Variants in CDH4 observed in about 807,000 individuals in gnomAD.
The protein encoded by CDH4 is cadherin-4.
CDH4 carries 33 observed loss-of-function variants against 86.0 expected under a neutral mutation model. That is an observed-to-expected ratio of 0.38 (90% CI 0.29 to 0.51). CDH4 has a LOEUF of 0.51. Among genes scored for constraint, CDH4 ranks in the 20% least tolerant of loss-of-function variants. CDH4 has a pLI of 0.86. For missense variants in CDH4, 1,114 were observed against 1,307.4 expected, an observed-to-expected ratio of 0.85 and a Z score of 2.28; for synonymous variants, 555 against 549.4, an observed-to-expected ratio of 1.01 and a Z score of -0.14.
chr20:61,638,751 G>A (rs2086975153), intron 2 of CDH4, among the ~76,000 whole-genome samples: 1 of 152,208 alleles, frequency 6.6e-6, no homozygotes, highest in Non-Finnish European at 1.5e-5. Flanking sequence ...CTGGGTAGAT[G>A]CAATGCAAAA....
chr20:61,734,184 G>GTT (rs1169467441), intron 2 of CDH4, among the ~76,000 whole-genome samples: 1 of 152,246 alleles, frequency 6.6e-6, no homozygotes, highest in Non-Finnish European at 1.5e-5. Context: ...CCGTGCACGC[G>GTT]TGAGACTGGG....
In CDH4 at chr20:61,301,056, C is replaced by T. The variant is rs576182242; in HGVS notation, c.169+46119C>T. 3.3e-5 allele frequency among the ~76,000 whole-genome samples: 5 copies of T among 152,388 alleles called. No individual in the cohort carries two copies. The East Asian group carries it at 7.7e-4, about 24-fold the overall frequency. ...ACTTCAAAGCTCACGACTCTTACCT[C>T]GCAGTGTGCCCGGGGCTGCGCCCAA... On this transcript the variant is annotated intron_variant, in intron 2 of 15. Coordinates refer to ENST00000614565, the MANE Select transcript of CDH4 (RefSeq NM_001794.5).
At chr20:61,748,834 C>G (rs79240145) in intron 3 of CDH4, among the ~76,000 whole-genome samples, 2 of 119,234 alleles carry the variant, frequency 1.7e-5, no homozygotes, top group Admixed American at 1.7e-4. Flanking sequence ...TAAGTAGTAA[C>G]GTAATAAAAG....
chr20:61,744,248 C>CAG (rs1464085029), intron 3 of CDH4, among the ~76,000 whole-genome samples: 1 of 151,376 alleles, frequency 6.6e-6, no homozygotes, highest in Non-Finnish European at 1.5e-5. Flanking sequence ...GAGAGAATAA[C>CAG]AGAGAGGAAG....
chr20:61,693,847 CT>C (rs1230238243), intron 2 of CDH4, among the ~76,000 whole-genome samples: 3 of 150,324 alleles, frequency 2.0e-5, no homozygotes, highest in Admixed American at 6.6e-5. Flanking sequence ...TCCAAGTCAC[CT>C]TCCTACTGAA....
intron 2 of CDH4, among the ~76,000 whole-genome samples, chr20:61,266,253 T>C (rs1015575654): frequency 2.5e-4 from 38 of 151,916 alleles, no homozygotes; most frequent in African/African-American, 8.7e-4. Context: ...GCATTTTCCA[T>C]ATGGAGTATG....
At chr20:61,900,637 C>T (rs974688931) in intron 8 of CDH4, among the ~76,000 whole-genome samples, 3 of 152,224 alleles carry the variant, frequency 2.0e-5, no homozygotes, top group African/African-American at 7.2e-5. Context: ...GGTCCCTCAG[C>T]CTGGGGGTCA....
intron 2 of CDH4, among the ~76,000 whole-genome samples, chr20:61,740,291 G>A (rs1754027440): frequency 1.3e-5 from 2 of 152,158 alleles, no homozygotes; most frequent in South Asian, 2.1e-4. Context: ...CAAGACCTCA[G>A]ACATGTCTCC....
chr20:61,924,151 G>C (rs1193815405), intron 10 of CDH4, among the ~76,000 whole-genome samples, 183 bp from the exon 11 acceptor site: 1 of 152,230 alleles, frequency 6.6e-6, no homozygotes, highest in East Asian at 1.9e-4. Context: ...TGGGGCCGGG[G>C]GGGAGGGTGC....
chr20:61,331,435 T>G (rs1310523807), intron 2 of CDH4, among the ~76,000 whole-genome samples: 1 of 151,990 alleles, frequency 6.6e-6, no homozygotes, highest in Non-Finnish European at 1.5e-5. Context: ...GGCCTGGCCA[T>G]CTCCTCACTG....
chr20:61,639,063 G>A (rs921375740), intron 2 of CDH4, among the ~76,000 whole-genome samples: 2 of 152,356 alleles, frequency 1.3e-5, no homozygotes, highest in African/African-American at 2.4e-5. Context: ...GAATGAACAC[G>A]TGCATAAGTG....
At chr20:61,482,355 A>T (rs1001583) in intron 2 of CDH4, among the ~76,000 whole-genome samples, 2 of 151,968 alleles carry the variant, frequency 1.3e-5, no homozygotes, top group Non-Finnish European at 2.9e-5. Context: ...CATTTTAACC[A>T]CACAGATCTT....
At chr20:61,282,491 A>G (rs1435443586) in intron 2 of CDH4, among the ~76,000 whole-genome samples, 1 of 152,212 alleles carries the variant, frequency 6.6e-6, no homozygotes, top group Non-Finnish European at 1.5e-5. Flanking sequence ...TAAAAGGGTA[A>G]CTTCATTTCC....
chr20:61,505,765 G>A (rs913782520), intron 2 of CDH4, among the ~76,000 whole-genome samples: 3 of 151,594 alleles, frequency 2.0e-5, no homozygotes, highest in African/African-American at 7.2e-5. Flanking sequence ...TCACTCCCAG[G>A]ACGCTAATGT....
intron 2 of CDH4, among the ~76,000 whole-genome samples, chr20:61,523,181 C>T (rs953572156): frequency 3.3e-5 from 5 of 152,240 alleles, no homozygotes; most frequent in African/African-American, 1.2e-4. Flanking sequence ...GGCTCCATGC[C>T]AGAACGGTGC....
chr20:61,628,744 T>A (rs989497430), intron 2 of CDH4, among the ~76,000 whole-genome samples: 5 of 152,148 alleles, frequency 3.3e-5, no homozygotes, highest in African/African-American at 1.2e-4. Context: ...ACACAGAGAC[T>A]TGCAGCCAAG....
chr20:61,936,989 C>T lies in CDH4; in HGVS notation c.*46C>T, dbSNP rs377081229. ...CGAAGTGAGAGCCGTGCTCGGACGCCGGAGGAGCAGGACTGAGCAGAGGCG... is the reference window on the plus strand; with the variant it reads ...CGAAGTGAGAGCCGTGCTCGGACGCTGGAGGAGCAGGACTGAGCAGAGGCG... On this transcript the variant is annotated 3_prime_UTR_variant, in exon 16 of 16. Transcript: ENST00000614565. 7.2e-5 allele frequency: 109 copies of T among 1,508,670 alleles called. No individual in the cohort carries two copies. The highest frequency in any genetic ancestry group is 8.9e-5 in the Non-Finnish European group (100 of 1,117,388). The allele number at this position is 1,508,670 out of a possible 1,614,324, so 93.5% of individuals were successfully genotyped here. A position where few individuals can be genotyped will look rare whatever the true frequency, so the allele number is the denominator to read the frequency against.
chr20:61,302,160 G>C (rs1055952708), intron 2 of CDH4, among the ~76,000 whole-genome samples: 6 of 152,210 alleles, frequency 3.9e-5, no homozygotes, highest in Admixed American at 1.3e-4. Context: ...CATTTAGTAG[G>C]CCGAGGTCTG....
intron 2 of CDH4, among the ~76,000 whole-genome samples, chr20:61,302,313 G>A (rs920399513): frequency 2.0e-5 from 3 of 152,344 alleles, no homozygotes; most frequent in East Asian, 1.9e-4. Flanking sequence ...TCACTGTGGT[G>A]CAGATGTGTT....
Sources: gnomAD v4.1 joint callset for allele counts (sites outside exome capture counted in the v4.1 genomes callset) on GRCh38, gnomAD v4.1.1 for gene constraint, MANE v1.5 for transcripts, NCBI Gene and HGNC (gene_info 2026-07-23, HGNC 2026-07-21) for gene names.